The following RAB40C variants were observed in gnomAD, a reference collection of about 807,000 sequenced individuals.
The protein encoded by RAB40C is ras-related protein Rab-40C.
RAB40C carries 8 observed loss-of-function variants against 28.1 expected under a neutral mutation model. The observed-to-expected ratio is 0.28, with a 90% CI of 0.17 to 0.51. RAB40C has a LOEUF of 0.51. Ranked by LOEUF, RAB40C falls within the 20% of genes least tolerant of loss-of-function variation. The pLI is 0.97. For missense variants in RAB40C, 288 were observed against 405.9 expected (o/e 0.71, Z 2.50); for synonymous variants, 201 against 171.7 (o/e 1.17, Z -1.34).
At chr16:603,671 C>T (rs935541617) in intron 1 of RAB40C, among the ~76,000 whole-genome samples, 3 of 152,168 alleles carry the variant, frequency 2.0e-5, no homozygotes, top group Non-Finnish European at 2.9e-5. Flanking sequence ...ATGTACAGTT[C>T]TATGAGTTTT....
Position 627,711 on chromosome 16 carries a change from G to C in RAB40C, c.*89G>C, listed in dbSNP as rs1045987074. The stretch of plus-strand genomic sequence containing the variant: ...ACGCCAGGCCAGTGCCGCCTACGTG[G>C]AGACTGTCCACACAGCTGCCTCAGA... On this transcript the variant is annotated 3_prime_UTR_variant, in exon 6 of 6. Transcript: ENST00000248139. 9.9e-6 allele frequency: 14 copies of C among 1,420,942 alleles called. No individual in the cohort carries two copies. Among genetic ancestry groups the C allele is most frequent in the Non-Finnish European group, 1.3e-5 (14 of 1,067,640 alleles). The allele number at this position is 1,420,942 out of a possible 1,614,324, so 88.0% of individuals were successfully genotyped here.
Position 607,988 on chromosome 16 carries a change from C to T in RAB40C, c.143-9220C>T, listed in dbSNP as rs144114998. Reference sequence around the variant, plus strand: ...GGTGCCTGAGTCTGCAGCCAGGCAACGTGCTGTGCCCGTCCCCACCTCCCT... The same window carrying T: ...GGTGCCTGAGTCTGCAGCCAGGCAATGTGCTGTGCCCGTCCCCACCTCCCT... On this transcript the variant is annotated intron_variant, in intron 1 of 5. Transcript: ENST00000248139. 3.4e-3 allele frequency among the ~76,000 whole-genome samples: 508 copies of T among 149,714 alleles called. 4 individuals carry two copies. The highest frequency in any genetic ancestry group is 0.012 in the African/African-American group (473 of 40,626).
At chr16:599,265 G>A (rs927632201) in intron 1 of RAB40C, among the ~76,000 whole-genome samples, 1 of 152,262 alleles carries the variant, frequency 6.6e-6, no homozygotes, top group Non-Finnish European at 1.5e-5. Context: ...GCTTTGCTCC[G>A]AGGGGTGTCT....
rs372871673 is a variant in RAB40C at position 606,753 on chromosome 16, C to T, written c.143-10455C>T. Reference sequence around the variant, plus strand: ...TGCCCATCTGCAGAGCCAGCACTGGCGGGTGAAGTCCCTCTCATGCTTTGA... The same window carrying T: ...TGCCCATCTGCAGAGCCAGCACTGGTGGGTGAAGTCCCTCTCATGCTTTGA... On this transcript the variant is annotated intron_variant, in intron 1 of 5. Coordinates refer to ENST00000248139, the MANE Select transcript of RAB40C (RefSeq NM_021168.5). Among the ~76,000 whole-genome samples the T allele has an allele frequency of 2.6e-5, 4 of 152,232 alleles. No individual in the cohort carries two copies. The East Asian group carries it at 5.8e-4, about 22-fold the overall frequency.
At chr16:601,815 T>TAAAAAAAAAAAAAAAAAAAAAAAAAAA (rs60094426) in intron 1 of RAB40C, among the ~76,000 whole-genome samples, 3 of 27,200 alleles carry the variant, frequency 1.1e-4, no homozygotes, top group Admixed American at 5.2e-4. Flanking sequence ...CAAAAAAAAG[T>TAAAAAAAAAAAAAAAAAAAAAAAAAAA]AAAAAAAAAA....
chr16:601,073 C>T (rs750195892), intron 1 of RAB40C, among the ~76,000 whole-genome samples: 4 of 152,210 alleles, frequency 2.6e-5, no homozygotes, highest in African/African-American at 4.8e-5. Context: ...AGCGTTAAAG[C>T]TCTTCTCTCC....
chr16:615,139 C>T (rs2036561150), intron 1 of RAB40C, among the ~76,000 whole-genome samples: 1 of 152,206 alleles, frequency 6.6e-6, no homozygotes, highest in Non-Finnish European at 1.5e-5. Context: ...AGATCAGTCT[C>T]TAGGAGACGT....
Position 618,211 on chromosome 16 carries a change from G to C in RAB40C, c.215G>C (p.Gly72Ala). 6.2e-7 allele frequency: 1 copy of C among 1,613,564 alleles called. No individual in the cohort carries two copies. The highest frequency in any genetic ancestry group is 8.5e-7 in the Non-Finnish European group (1 of 1,179,888). ...CCCGTATGTTTCAGGGACACGTCGGGCCAGGGCCGGTTCTGCACCATCTTC... is the reference window on the plus strand; with the variant it reads ...CCCGTATGTTTCAGGGACACGTCGGCCCAGGGCCGGTTCTGCACCATCTTC... ...RVKLELWDTSGQGRFCTIFRS... is the reference protein window; with the variant it reads ...RVKLELWDTSAQGRFCTIFRS... The change falls in exon 3 of 6, where the codon GGC becomes GCC. Residue 72 changes from glycine to alanine, a missense_variant. Around this residue, in one of 3 missense-constraint regions of RAB40C, gnomAD observed 153 missense variants for 262.4 expected, o/e 0.58. Coordinates refer to ENST00000248139, the MANE Select transcript of RAB40C (RefSeq NM_021168.5).
chr16:613,273 A>G (rs1347975392), intron 1 of RAB40C, among the ~76,000 whole-genome samples: 1 of 149,838 alleles, frequency 6.7e-6, no homozygotes, highest in Non-Finnish European at 1.5e-5. Context: ...TAGCATCAAG[A>G]GCAGGGACAG....
At chr16:617,822 G>A (rs935972340) in intron 2 of RAB40C, among the ~76,000 whole-genome samples, 24 of 151,912 alleles carry the variant, frequency 1.6e-4, no homozygotes, top group Non-Finnish European at 1.3e-4. Context: ...CAGCCTGGGT[G>A]ACAGAATGAG....
chr16:613,852 G>C (rs2036531718), intron 1 of RAB40C, among the ~76,000 whole-genome samples: 1 of 152,092 alleles, frequency 6.6e-6, no homozygotes, highest in Non-Finnish European at 1.5e-5. Context: ...CTAGACTTGG[G>C]TGACGTGCAT....
At chr16:598,515 T>C (rs7198207) in intron 1 of RAB40C, among the ~76,000 whole-genome samples, 26,258 of 148,060 alleles carry the variant, frequency 0.18, 2,520 homozygotes, top group South Asian at 0.26. Flanking sequence ...GAGCTGAGAT[T>C]GTGCCACTGC....
At chr16:613,499 G>A (rs113507772) in intron 1 of RAB40C, among the ~76,000 whole-genome samples, 7 of 152,238 alleles carry the variant, frequency 4.6e-5, no homozygotes, top group African/African-American at 1.2e-4. Flanking sequence ...GCTTCTGCAC[G>A]CCGGCTGGCA....
At chr16:604,052 T>A (rs2036308081) in intron 1 of RAB40C, among the ~76,000 whole-genome samples, 1 of 142,798 alleles carries the variant, frequency 7.0e-6, no homozygotes, top group Non-Finnish European at 1.5e-5. Flanking sequence ...GTTCTTCTTT[T>A]TTCTTTTTCT....
intron 3 of RAB40C, chr16:624,947 C>T (rs1231033510): frequency 7.8e-7 from 1 of 1,288,738 alleles, no homozygotes; most frequent in Non-Finnish European, 1.0e-6. Context: ...CTCTGCCTGG[C>T]TGGGGGAGCT....
At chr16:592,093 G>A (rs1459267397) in intron 1 of RAB40C, among the ~76,000 whole-genome samples, 1 of 152,228 alleles carries the variant, frequency 6.6e-6, no homozygotes. Context: ...GGAGCAGTCA[G>A]CATCCAGCCT....
rs367731044 is a variant in RAB40C, at chr16:622,381, G to A, written c.265-3051G>A. On this transcript the variant is annotated intron_variant, in intron 3 of 5. Transcript: ENST00000248139. ...TGCCTCCACCCCCTTGACCCCGCCC[G>A]CGAGGCATGAGCGGCACCGTGGACA... is the stretch of plus-strand genomic sequence containing the variant. Among the ~76,000 whole-genome samples the A allele has an allele frequency of 3.9e-5, 6 of 152,200 alleles. No individual in the cohort carries two copies. The East Asian group carries it at 9.7e-4, about 25-fold the overall frequency.
chr16:619,784 C>T (rs73485436), intron 3 of RAB40C, among the ~76,000 whole-genome samples: 1 of 152,184 alleles, frequency 6.6e-6, no homozygotes, highest in African/African-American at 2.4e-5. Context: ...TGCCCAGGTG[C>T]GAGGGGGATG....
chr16:623,638 A>G (rs1223165323), intron 3 of RAB40C, among the ~76,000 whole-genome samples: 1 of 145,730 alleles, frequency 6.9e-6, no homozygotes, highest in Non-Finnish European at 1.5e-5. Context: ...CTCCGTCTCA[A>G]AAAAAAAAAA....
Sources: allele counts gnomAD v4.1 joint callset (sites outside exome capture counted in the v4.1 genomes callset), GRCh38; gene constraint gnomAD v4.1.1; regional missense constraint gnomAD v4.1.1; transcripts MANE v1.5; gene names NCBI Gene and HGNC (gene_info 2026-07-23, HGNC 2026-07-21).